The following LRRC4C variants were observed in gnomAD, a reference collection of about 807,000 sequenced individuals.
The protein encoded by LRRC4C is leucine rich repeat containing 4C.
A neutral mutation model predicts 33.6 loss-of-function variants in LRRC4C; 5 were observed. That is an observed-to-expected ratio of 0.15 (90% CI 0.08 to 0.31). The LOEUF is 0.31. LRRC4C is among the 10% of genes least tolerant of loss of function. The pLI, the probability that LRRC4C is intolerant of heterozygous loss-of-function variation, is 1.00. For synonymous variants in LRRC4C, 329 were observed against 302.0 expected (o/e 1.09, Z -0.93); for missense variants, 560 against 796.7 (o/e 0.70, Z 3.58).
At chr11:40,642,401 T>G (rs1179331917) in intron 3 of LRRC4C, among the ~76,000 whole-genome samples, 1 of 152,156 alleles carries the variant, frequency 6.6e-6, no homozygotes, top group Admixed American at 6.5e-5. Flanking sequence ...TAAAACAGAT[T>G]ACTTCCCATC....
chr11:40,193,348 C>G (rs1029703638), intron 5 of LRRC4C, among the ~76,000 whole-genome samples: 2 of 152,160 alleles, frequency 1.3e-5, no homozygotes, highest in African/African-American at 4.8e-5. Flanking sequence ...TCCAACAGAC[C>G]TGCAGAAGAG....
chr11:40,172,133 C>T (rs1860099238), intron 5 of LRRC4C, among the ~76,000 whole-genome samples: 1 of 152,136 alleles, frequency 6.6e-6, no homozygotes, highest in Non-Finnish European at 1.5e-5. Context: ...ACCTAGATGG[C>T]ACCATCTATT....
rs114407890 is a variant in LRRC4C, at chr11:40,977,787, T to C, written c.-495-44064A>G. 1.8e-3 allele frequency among the ~76,000 whole-genome samples: 281 copies of C among 152,304 alleles called. 1 individual carries two copies. The highest frequency in any genetic ancestry group is 6.3e-3 in the African/African-American group (261 of 41,568). ...TTACTCCCTCCACAAAAACTTCTAT[T>C]TGTAAAACAAACCTAGTGCTAATCA... On this transcript the variant is annotated intron_variant, in intron 1 of 6. Coordinates refer to ENST00000528697, the MANE Select transcript of LRRC4C (RefSeq NM_001258419.2).
intron 4 of LRRC4C, among the ~76,000 whole-genome samples, chr11:40,243,453 C>T (rs1866075711): frequency 6.6e-6 from 1 of 150,918 alleles, no homozygotes. Flanking sequence ...GATGAGAAAA[C>T]TGAGGCTACA....
intron 4 of LRRC4C, among the ~76,000 whole-genome samples, chr11:40,266,472 C>T (rs535612281): frequency 1.3e-5 from 2 of 151,978 alleles, no homozygotes; most frequent in South Asian, 4.2e-4. Context: ...GTCTCAACAA[C>T]GACAACACAA....
intron 3 of LRRC4C, among the ~76,000 whole-genome samples, chr11:40,462,218 AT>A (rs1952433349): frequency 2.0e-5 from 3 of 152,194 alleles, no homozygotes; most frequent in Admixed American, 2.0e-4. Context: ...CATTCTTTCT[AT>A]TCATAACATA....
At chr11:40,713,499 A>G (rs1946563547) in intron 2 of LRRC4C, among the ~76,000 whole-genome samples, 1 of 152,194 alleles carries the variant, frequency 6.6e-6, no homozygotes, top group Admixed American at 6.5e-5. Context: ...GTTGGTAGCT[A>G]TATACATTTG....
intron 4 of LRRC4C, among the ~76,000 whole-genome samples, chr11:40,260,458 G>A (rs987463033): frequency 6.7e-6 from 1 of 149,222 alleles, no homozygotes; most frequent in African/African-American, 2.5e-5. Flanking sequence ...AATGCTAGAT[G>A]ACGAGTTAGT....
intron 1 of LRRC4C, among the ~76,000 whole-genome samples, chr11:41,112,572 T>C (rs949303879): frequency 1.4e-4 from 22 of 152,044 alleles, no homozygotes; most frequent in Admixed American, 1.2e-3. Context: ...CTCTTCTTGT[T>C]CCTTTAAAAT....
chr11:41,258,694 A>G (rs1487166522), intron 1 of LRRC4C, among the ~76,000 whole-genome samples: 2 of 152,062 alleles, frequency 1.3e-5, no homozygotes, highest in Non-Finnish European at 2.9e-5. Context: ...TGTAATTGAC[A>G]TAAAAATCAA....
At chr11:41,212,783 G>GATCTC (rs2136324877) in intron 1 of LRRC4C, among the ~76,000 whole-genome samples, 1 of 152,302 alleles carries the variant, frequency 6.6e-6, no homozygotes, top group African/African-American at 2.4e-5. Flanking sequence ...CAAAGGACAT[G>GATCTC]ATCTCATTCC....
chr11:40,678,451 T>C (rs1002263593), intron 2 of LRRC4C, among the ~76,000 whole-genome samples: 6 of 152,196 alleles, frequency 3.9e-5, no homozygotes, highest in African/African-American at 1.2e-4. Flanking sequence ...TTTAAAATAG[T>C]TTAGGATTAC....
chr11:40,903,904 AATAT>A (rs552279246), intron 2 of LRRC4C, among the ~76,000 whole-genome samples: 8 of 150,554 alleles, frequency 5.3e-5, no homozygotes, highest in African/African-American at 1.9e-4. Flanking sequence ...GTACTTCATA[AATAT>A]ATATATATAT....
intron 2 of LRRC4C, among the ~76,000 whole-genome samples, chr11:40,904,900 A>T (rs1248462436): frequency 2.0e-5 from 3 of 152,154 alleles, no homozygotes; most frequent in African/African-American, 7.2e-5. Flanking sequence ...TGTTCAAAGG[A>T]TGAAGCCAGC....
At chr11:40,549,473 C>T (rs899342484) in intron 3 of LRRC4C, among the ~76,000 whole-genome samples, 2 of 152,136 alleles carry the variant, frequency 1.3e-5, no homozygotes, top group African/African-American at 4.8e-5. Context: ...GGAAGTTGAA[C>T]TACAGAGCCT....
At chr11:40,387,615 C>T (rs1183629997) in intron 3 of LRRC4C, among the ~76,000 whole-genome samples, 1 of 151,998 alleles carries the variant, frequency 6.6e-6, no homozygotes. Flanking sequence ...TGAAGCAAAC[C>T]TAGGATCATT....
chr11:40,750,377 C>G (rs1039458645), intron 2 of LRRC4C, among the ~76,000 whole-genome samples: 1 of 151,910 alleles, frequency 6.6e-6, no homozygotes, highest in Non-Finnish European at 1.5e-5. Flanking sequence ...ACCCTGATAA[C>G]AAAAGCAGAC....
At chr11:40,533,044 C>T (rs967013013) in intron 3 of LRRC4C, among the ~76,000 whole-genome samples, 2 of 152,100 alleles carry the variant, frequency 1.3e-5, no homozygotes, top group Non-Finnish European at 2.9e-5. Context: ...CAATTGCCTC[C>T]ACCTGGTCTC....
At chr11:40,335,665 T>G (rs1025933570) in intron 3 of LRRC4C, among the ~76,000 whole-genome samples, 4 of 152,260 alleles carry the variant, frequency 2.6e-5, no homozygotes, top group African/African-American at 9.6e-5. Context: ...ACTCTTCTGC[T>G]TCTGATTATA....
Sources: allele counts gnomAD v4.1 joint callset (sites outside exome capture counted in the v4.1 genomes callset), GRCh38; gene constraint gnomAD v4.1.1; transcripts MANE v1.5; gene names NCBI Gene and HGNC (gene_info 2026-07-23, HGNC 2026-07-21).